Variants in HSDL2 observed in about 807,000 individuals in gnomAD.
HSDL2 encodes hydroxysteroid dehydrogenase like 2.
In HSDL2, 27 loss-of-function variants were observed where a neutral mutation model predicts 46.3. The observed-to-expected ratio is 0.58, with a 90% CI of 0.43 to 0.80. The LOEUF (loss-of-function observed/expected upper bound fraction) is 0.80, where lower values mean the gene tolerates loss of function less well. HSDL2 is among the 30% of genes least tolerant of loss of function. The pLI is 0.00. For synonymous variants in HSDL2, 153 were observed against 163.6 expected, an observed-to-expected ratio of 0.94 and a Z score of 0.50; for missense variants, 451 against 502.7, an observed-to-expected ratio of 0.90 and a Z score of 0.98.
At chr9:112,470,360 G>A (rs1203536065) in intron 10 of HSDL2, 72 bp from the exon 11 acceptor site, 1 of 841,178 alleles carries the variant, frequency 1.2e-6, no homozygotes, top group Non-Finnish European at 1.9e-6. Flanking sequence ...TTTTTACAAT[G>A]CGTGTTCTTA....
chr9:112,418,361 T>C (rs1300470810), intron 5 of HSDL2, among the ~76,000 whole-genome samples: 1 of 151,984 alleles, frequency 6.6e-6, no homozygotes, highest in Non-Finnish European at 1.5e-5. Flanking sequence ...GGCAGGTGGA[T>C]TGCTTGAGCC....
chr9:112,416,630 GTGC>G (rs10601202), intron 4 of HSDL2, among the ~76,000 whole-genome samples: 66,245 of 149,320 alleles, frequency 0.44, 14,826 homozygotes, highest in Middle Eastern at 0.52. Flanking sequence ...GGGCATGGTG[GTGC>G]TGCACACCTG....
intron 8 of HSDL2, among the ~76,000 whole-genome samples, chr9:112,449,504 A>C (rs920116210): frequency 1.1e-4 from 16 of 152,030 alleles, no homozygotes; most frequent in African/African-American, 3.6e-4. Context: ...TTAATTCTAC[A>C]GCTTTTCTCT....
chr9:112,406,146 GCAAGACT>G (rs1368192205), intron 3 of HSDL2, among the ~76,000 whole-genome samples: 9 of 149,492 alleles, frequency 6.0e-5, no homozygotes, highest in Admixed American at 6.7e-5. Context: ...GGGTGACAGA[GCAAGACT>G]CTGTCTCAAA....
At chr9:112,452,437 T>A (rs1709393911) in intron 8 of HSDL2, among the ~76,000 whole-genome samples, 1 of 152,144 alleles carries the variant, frequency 6.6e-6, no homozygotes, top group Non-Finnish European at 1.5e-5. Flanking sequence ...TCTATGTGAT[T>A]CTAGAATGAT....
intron 8 of HSDL2, among the ~76,000 whole-genome samples, chr9:112,453,775 G>C (rs1832946645): frequency 1.3e-5 from 2 of 152,124 alleles, no homozygotes; most frequent in East Asian, 3.8e-4. Context: ...AACCTAATCT[G>C]AAAGTCAGCC....
intron 4 of HSDL2, among the ~76,000 whole-genome samples, chr9:112,416,177 A>T (rs1250030415): frequency 6.6e-6 from 1 of 151,644 alleles, no homozygotes; most frequent in Non-Finnish European, 1.5e-5. Context: ...TGGGAGGCTG[A>T]GGCGGGTAGA....
intron 1 of HSDL2, among the ~76,000 whole-genome samples, chr9:112,384,241 G>GT (rs1413789808): frequency 0.019 from 2,835 of 152,238 alleles, 94 homozygotes; most frequent in African/African-American, 0.064. Flanking sequence ...TAAACTGTAA[G>GT]TTAGCTCTTC....
chr9:112,468,292 A>G (rs927364755), intron 10 of HSDL2, among the ~76,000 whole-genome samples: 2 of 151,904 alleles, frequency 1.3e-5, no homozygotes, highest in Admixed American at 1.3e-4. Flanking sequence ...TTCTTATATT[A>G]TTTCTTTGAT....
chr9:112,408,160 G>A (rs1182273400), intron 3 of HSDL2, among the ~76,000 whole-genome samples: 1 of 152,184 alleles, frequency 6.6e-6, no homozygotes, highest in Non-Finnish European at 1.5e-5. Context: ...TAAGTGAGGG[G>A]CCTTGGGGGA....
At chr9:112,387,091 T>C (rs1327563804) in intron 1 of HSDL2, among the ~76,000 whole-genome samples, 3 of 152,222 alleles carry the variant, frequency 2.0e-5, no homozygotes, top group Non-Finnish European at 4.4e-5. Context: ...TTGAGTGATA[T>C]TGAGAAATTA....
At chr9:112,457,965 G>A (rs1415412090) in intron 9 of HSDL2, among the ~76,000 whole-genome samples, 1 of 152,152 alleles carries the variant, frequency 6.6e-6, no homozygotes, top group Non-Finnish European at 1.5e-5. Context: ...AGGGCCATAC[G>A]TAAACCTTAC....
chr9:112,402,083 C>T (rs1263528157), intron 1 of HSDL2, among the ~76,000 whole-genome samples: 1 of 152,162 alleles, frequency 6.6e-6, no homozygotes, highest in Non-Finnish European at 1.5e-5. Context: ...CTCAGGTCAT[C>T]CCTTTTTCTT....
chr9:112,396,670 G>A (rs1295021506), intron 1 of HSDL2, among the ~76,000 whole-genome samples: 1 of 152,074 alleles, frequency 6.6e-6, no homozygotes, highest in East Asian at 1.9e-4. Context: ...CTAACACCAG[G>A]CCCACCGAAC....
chr9:112,450,048 C>T (rs2132686083), intron 8 of HSDL2, among the ~76,000 whole-genome samples: 1 of 152,194 alleles, frequency 6.6e-6, no homozygotes, highest in South Asian at 2.1e-4. Context: ...GTGCATTTAT[C>T]CCCTTAACAT....
intron 10 of HSDL2, among the ~76,000 whole-genome samples, chr9:112,460,796 T>C (rs905932686): frequency 6.6e-6 from 1 of 152,134 alleles, no homozygotes; most frequent in Non-Finnish European, 1.5e-5. Context: ...ATTTTTACCA[T>C]ACCACTGAAA....
intron 10 of HSDL2, among the ~76,000 whole-genome samples, chr9:112,468,897 T>G (rs1833479840): frequency 6.6e-6 from 1 of 152,028 alleles, no homozygotes. Context: ...GTGAGTGGGG[T>G]GGGTGGAATG....
intron 9 of HSDL2, 68 bp from the exon 10 acceptor site, chr9:112,459,381 A>C: frequency 6.7e-7 from 1 of 1,498,590 alleles, no homozygotes; most frequent in Non-Finnish European, 9.2e-7. Flanking sequence ...ATTCTAATTG[A>C]AGTAATTATT....
At chr9:112,427,022 AGATT>A (rs1295671881) in intron 6 of HSDL2, among the ~76,000 whole-genome samples, 1 of 151,952 alleles carries the variant, frequency 6.6e-6, no homozygotes. Flanking sequence ...TAACCTCACC[AGATT>A]ATTATTATAT....
Sources: gnomAD v4.1 joint callset for allele counts (sites outside exome capture counted in the v4.1 genomes callset) on GRCh38, gnomAD v4.1.1 for gene constraint, MANE v1.5 for transcripts, NCBI Gene and HGNC (gene_info 2026-07-23, HGNC 2026-07-21) for gene names.